SYVN1: variants seen among roughly 807,000 people sequenced by gnomAD.
SYVN1 encodes the protein synoviolin 1.
A neutral mutation model predicts 62.6 loss-of-function variants in SYVN1; 17 were observed. That is an observed-to-expected ratio of 0.27 (90% confidence interval 0.19 to 0.41). The LOEUF (loss-of-function observed/expected upper bound fraction) is 0.41. Ranked by LOEUF, SYVN1 falls within the 10% of genes least tolerant of loss-of-function variation. The pLI, the probability that SYVN1 is intolerant of heterozygous loss-of-function variation, is 1.00. For synonymous variants in SYVN1, 316 were observed against 304.0 expected, an observed-to-expected ratio of 1.04 and a Z score of -0.41; for missense variants, 634 against 818.0, an observed-to-expected ratio of 0.78 and a Z score of 2.74.
chr11:65,128,739 G>A (rs368609487), intron 14 of SYVN1, 25 bp from the exon 15 acceptor site: 51 of 1,572,888 alleles, frequency 3.2e-5, no homozygotes, highest in South Asian at 1.3e-4. Context: ...GACGAGAGGC[G>A]GGCCTGGCCT....
chr11:65,133,437 G>C (rs978200545), intron 2 of SYVN1, 33 bp downstream of exon 2: 1 of 1,609,158 alleles, frequency 6.2e-7, no homozygotes, highest in Non-Finnish European at 8.5e-7. Context: ...TTCCCTCCCA[G>C]GGAGTTCCTC....
At position 65,131,031 on chromosome 11, in the gene SYVN1, G is replaced by A; in HGVS notation, c.830C>T (p.Pro277Leu). 2.5e-6 allele frequency: 4 copies of A among 1,614,152 alleles called. No individual in the cohort carries two copies. Among genetic ancestry groups the A allele is most frequent in the South Asian group, 1.1e-5 (1 of 91,086 alleles). ...CTGGAGCTCCTCTGGGGTGGCATCT[G>A]GATACCTGGTTAGGATGACAGGGGC... Reference protein sequence around the residue: ...RAIRNMNTLYPDATPEELQAM... With the variant: ...RAIRNMNTLYLDATPEELQAM... The change falls in exon 10 of 16, where the codon CCA (proline) becomes CTA (leucine). Residue 277 changes from proline (P) to leucine (L), a missense_variant. This residue lies in a region of SYVN1 where 283 missense variants were observed against 444.7 expected (regional missense o/e 0.64). Transcript: ENST00000377190.
intron 5 of SYVN1, 187 bp downstream of exon 5, chr11:65,132,545 G>A: frequency 1.2e-6 from 1 of 813,708 alleles, no homozygotes; most frequent in Non-Finnish European, 2.0e-6. Flanking sequence ...CAGGCTGCAG[G>A]TGAGAAGGCA....
Position 65,132,743 on chromosome 11 carries a change from C to G in SYVN1, c.416G>C (p.Cys139Ser), listed in dbSNP as rs772958360. 2.9e-5 allele frequency: 47 copies of G among 1,614,036 alleles called. No individual in the cohort carries two copies. The highest frequency in any genetic ancestry group is 3.9e-5 in the Non-Finnish European group (46 of 1,180,028). Residue 139 changes from cysteine to serine, a missense_variant, in exon 5 of 16, where the codon TGC becomes TCC. Around this residue, in one of 2 missense-constraint regions of SYVN1, gnomAD observed 283 missense variants for 444.7 expected, o/e 0.64. Coordinates refer to ENST00000377190, the MANE Select transcript of SYVN1 (RefSeq NM_172230.3). Reference protein sequence around the residue: ...RSPNISWLFHCRIVSLMFLLG... With the variant: ...RSPNISWLFHSRIVSLMFLLG... ...TGAATCTCACTCACAGACAATGCGG[C>G]AGTGAAAGAGCCAGGAGATGTTGGG...
intron 14 of SYVN1, 32 bp downstream of exon 14, chr11:65,129,697 A>G (rs777284821): frequency 6.2e-6 from 10 of 1,604,376 alleles, no homozygotes; most frequent in Middle Eastern, 3.3e-4. Flanking sequence ...CTGACCCACC[A>G]AACCCACTCT....
intron 5 of SYVN1, 31 bp from the exon 6 acceptor site, chr11:65,132,382 G>T (rs1489945982): frequency 6.6e-7 from 1 of 1,516,018 alleles, no homozygotes; most frequent in Admixed American, 1.7e-5. Context: ...GCAGGGTGGG[G>T]GGGTCAGCCC....
rs1948161742 is a variant in SYVN1 at position 65,130,363 on chromosome 11, C to G, written c.1122G>C (p.Leu374=). 1 of 1,543,930 alleles carries G rather than the reference C, an allele frequency of 6.5e-7. No homozygotes were observed. Among genetic ancestry groups the G allele is most frequent in the African/African-American group, 1.4e-5 (1 of 72,376 alleles). Residue 374 remains leucine, a synonymous_variant, in exon 12 of 16, where the codon CTG becomes CTC. Transcript: ENST00000377190. ...GGAACATGCCTGGAGGAAAAGGAGG[C>G]AGGAGGCCCTGGGGGACTGCAGAGA... ...PQPPNFPQGL[L]PPFPPGMFPL...
chr11:65,133,525 T>C lies in SYVN1; in HGVS notation c.77A>G (p.Lys26Arg). 1 of 1,613,748 alleles carries C rather than the reference T, an allele frequency of 6.2e-7. No individual in the cohort carries two copies. Among genetic ancestry groups the C allele is most frequent in the Non-Finnish European group, 8.5e-7 (1 of 1,180,028 alleles). Residue 26 changes from lysine to arginine, a missense_variant, in exon 2 of 16, where the codon AAA becomes AGA. Physicochemically the swap from Lys to Arg is conservative, Grantham distance 26. Around this residue, in one of 2 missense-constraint regions of SYVN1, gnomAD observed 283 missense variants for 444.7 expected, o/e 0.64. Coordinates refer to ENST00000377190, the MANE Select transcript of SYVN1 (RefSeq NM_172230.3). The stretch of plus-strand genomic sequence containing the variant: ...CACCACAGTGGGGTAGAACTGGTGT[T>C]TGAGGTAGTAGGCGTGAGCCACCAC... ...GAVVAHAYYL[K>R]HQFYPTVVYL...
At chr11:65,133,106 C>T in intron 3 of SYVN1, 32 bp from the exon 4 acceptor site, 1 of 1,614,122 alleles carries the variant, frequency 6.2e-7, no homozygotes, top group Non-Finnish European at 8.5e-7. Context: ...ATGTGGATAC[C>T]AAACATTCTT....
chr11:65,128,499 A>G lies in SYVN1; in HGVS notation c.1748-11T>C, dbSNP rs1178852585. ...CCACTGACTCAGGAGCTGGGGACAG[A>G]GAGACTGGAAGTGGAACCTAGAGAA... On this transcript the variant is annotated splice_polypyrimidine_tract_variant and intron_variant, in intron 15 of 15. Transcript: ENST00000377190. 36 of 1,613,382 alleles carry G rather than the reference A, an allele frequency of 2.2e-5. No homozygotes were observed. The Admixed American group carries it at 6.0e-4, about 27-fold the overall frequency.
Position 65,131,135 on chromosome 11 carries a change from G to A in SYVN1, c.821C>T (p.Thr274Ile), listed in dbSNP as rs780285267. 1 of 1,614,206 alleles carries A rather than the reference G, an allele frequency of 6.2e-7. No homozygotes were observed. The highest frequency in any genetic ancestry group is 8.5e-7 in the Non-Finnish European group (1 of 1,180,018). ...MSRRAIRNMN[T>I]LYPDATPEEL... The stretch of plus-strand genomic sequence containing the variant: ...CAGCCATGACAAGCCTACTTACAGG[G>A]TGTTCATGTTGCGGATGGCTCGGCG... Residue 274 changes from threonine (T) to isoleucine (I), a missense_variant, in exon 9 of 16, where the codon ACC becomes ATC. Physicochemically the swap from Thr to Ile is moderately conservative, Grantham distance 89 (BLOSUM62 -1). Coordinates refer to ENST00000377190, the MANE Select transcript of SYVN1 (RefSeq NM_172230.3).
rs545539947 is a variant in SYVN1, at chr11:65,131,696, A to T, written c.532-100T>A. The T allele has an allele frequency of 3.3e-5, 48 of 1,445,968 alleles. No individual in the cohort carries two copies. In the African/African-American group the frequency reaches 6.4e-4, roughly 19 times the overall value. 89.6% of individuals were successfully genotyped at this position (1,445,968 alleles called of 1,614,324 possible). ...CTCTGCACAGCAGGTGCAGTGGTAC[A>T]ATCACAGGCTCTAGACACACCCAGG... On this transcript the variant is annotated intron_variant, in intron 6 of 15. Coordinates refer to ENST00000377190, the MANE Select transcript of SYVN1 (RefSeq NM_172230.3).
intron 4 of SYVN1, 26 bp downstream of exon 4, chr11:65,132,896 C>T (rs760512072): frequency 6.2e-7 from 1 of 1,613,914 alleles, no homozygotes; most frequent in Non-Finnish European, 8.5e-7. Context: ...CTTCCACCTG[C>T]TCCAGAACTC....
chr11:65,130,049 A>G lies in SYVN1; in HGVS notation c.1361T>C (p.Phe454Ser). ...ACCCATCCAGGGAGGAGGGAAGGGG[A>G]AACCAGGGGCAGGGCCAGCCTCTGG... ...SAPEAGPAPG[F>S]PFPPPWMGMP... The change falls in exon 13 of 16, where the codon TTC becomes TCC. Residue 454 changes from phenylalanine (F) to serine (S), a missense_variant. Physicochemically the swap from Phe to Ser is radical, Grantham distance 155. Coordinates refer to ENST00000377190, the MANE Select transcript of SYVN1 (RefSeq NM_172230.3). 6.2e-7 allele frequency: 1 copy of G among 1,605,300 alleles called. No homozygotes were observed. Among genetic ancestry groups the G allele is most frequent in the South Asian group, 1.1e-5 (1 of 89,982 alleles).
rs193006380 is a variant in SYVN1, at chr11:65,128,738, C to T, written c.1596-24G>A. 526 of 1,572,320 alleles carry T rather than the reference C, an allele frequency of 3.3e-4. 5 individuals carry two copies. In the African/African-American group the frequency reaches 5.8e-3, roughly 17 times the overall value. ...GCCTGGGAAGAGAAGGGACGAGAGG[C>T]GGGCCTGGCCTTGGCATCCAAGGTT... On this transcript the variant is annotated intron_variant, in intron 14 of 15. Transcript: ENST00000377190.
intron 15 of SYVN1, 33 bp downstream of exon 15, chr11:65,128,530 C>T: frequency 8.1e-6 from 13 of 1,613,262 alleles, no homozygotes; most frequent in South Asian, 1.1e-5. Flanking sequence ...GAGAAGTTCC[C>T]TGCTCCCCCG....
rs758454952 is a variant in SYVN1, at chr11:65,131,290, T to C, written c.742A>G (p.Met248Val). The C allele has an allele frequency of 6.2e-7, 1 of 1,614,082 alleles. No homozygotes were observed. The highest frequency in any genetic ancestry group is 8.5e-7 in the Non-Finnish European group (1 of 1,179,992). Residue 248 changes from methionine (M) to valine (V), a missense_variant, in exon 8 of 16, where the codon ATG becomes GTG. Physicochemically the swap from Met to Val is conservative, Grantham distance 21 (BLOSUM62 1). Transcript: ENST00000377190. ...HTFPLFAIRPMYLAMRQFKKA... is the reference protein window; with the variant it reads ...HTFPLFAIRPVYLAMRQFKKA... ...CGGGCTCACCTCATGGCCAGGTACA[T>C]GGGCCGGATGGCAAAGAGTGGGAAG...
intron 14 of SYVN1, chr11:65,129,420 A>G: frequency 3.5e-6 from 1 of 281,708 alleles, no homozygotes; most frequent in Non-Finnish European, 6.7e-6. Flanking sequence ...ACCACATCTC[A>G]GAAGAATATC....
At chr11:65,131,761 CA>C (rs894466530) in intron 6 of SYVN1, among the ~76,000 whole-genome samples, 165 bp from the exon 7 acceptor site, 1 of 152,172 alleles carries the variant, frequency 6.6e-6, no homozygotes, top group African/African-American at 2.4e-5. Flanking sequence ...TGACTTTTGG[CA>C]ACTCAGTGAA....
Sources: gnomAD v4.1 joint callset for allele counts (sites outside exome capture counted in the v4.1 genomes callset) on GRCh38, gnomAD v4.1.1 for gene constraint, gnomAD v4.1.1 regional missense constraint, MANE v1.5 for transcripts, NCBI Gene and HGNC (gene_info 2026-07-23, HGNC 2026-07-21) for gene names.